ZNG1B: variants seen among roughly 807,000 people sequenced by gnomAD.
ZNG1B encodes Zn regulated GTPase metalloprotein activator 1B.
At chr2:113,477,151 T>A in the ZNG1B span, among the ~76,000 whole-genome samples, 2 of 152,178 alleles carry the variant, frequency 1.3e-5, no homozygotes, top group African/African-American at 4.8e-5. Flanking sequence ...CTCAGACTGC[T>A]GTGCTAGCAA....
At chr2:113,440,304 T>C in the ZNG1B span, among the ~76,000 whole-genome samples, 1 of 145,858 alleles carries the variant, frequency 6.9e-6, no homozygotes, top group Admixed American at 6.7e-5. Flanking sequence ...TCTTAAAGTG[T>C]TTTTTTTTTC....
the ZNG1B span, chr2:113,447,850 C>T: frequency 2.2e-6 from 1 of 452,674 alleles, no homozygotes; most frequent in Non-Finnish European, 4.4e-6. Flanking sequence ...CTTCAGACTC[C>T]CCTTCTAATT....
the ZNG1B span, among the ~76,000 whole-genome samples, chr2:113,478,654 T>C: frequency 6.6e-6 from 1 of 151,804 alleles, no homozygotes; most frequent in Non-Finnish European, 1.5e-5. Flanking sequence ...GTTTTTTTTT[T>C]TCCACCTTCA....
At chr2:113,459,911 A>G in the ZNG1B span, among the ~76,000 whole-genome samples, 1 of 148,960 alleles carries the variant, frequency 6.7e-6, no homozygotes, top group South Asian at 2.2e-4. Flanking sequence ...GGGAAAAAAA[A>G]AACAGACAAC....
chr2:113,446,615 C>T, the ZNG1B span, among the ~76,000 whole-genome samples: 2 of 149,094 alleles, frequency 1.3e-5, no homozygotes, highest in African/African-American at 2.5e-5. Context: ...GGCGTTGTGG[C>T]GCACCCCATA....
At chr2:113,474,540 G>A in the ZNG1B span, among the ~76,000 whole-genome samples, 1 of 148,200 alleles carries the variant, frequency 6.7e-6, no homozygotes, top group Admixed American at 6.8e-5. Flanking sequence ...GCTTTTGAAT[G>A]TGTTTGCTCT....
the ZNG1B span, among the ~76,000 whole-genome samples, chr2:113,459,495 A>G: frequency 6.6e-6 from 1 of 152,048 alleles, no homozygotes; most frequent in East Asian, 1.9e-4. Context: ...AAGATTTCAC[A>G]AAGACTTTAA....
the ZNG1B span, among the ~76,000 whole-genome samples, chr2:113,475,371 G>A: frequency 3.6e-3 from 543 of 152,058 alleles, 8 homozygotes; most frequent in African/African-American, 0.013. Flanking sequence ...TTTATTTTGA[G>A]CCTATGTGTG....
At chr2:113,490,756 T>TA in the ZNG1B span, among the ~76,000 whole-genome samples, 1 of 150,896 alleles carries the variant, frequency 6.6e-6, no homozygotes, top group Non-Finnish European at 1.5e-5. Context: ...CCTGGAAAGA[T>TA]ACAACCCTCC....
At chr2:113,456,968 C>T in the ZNG1B span, 9 of 453,428 alleles carry the variant, frequency 2.0e-5, no homozygotes, top group Non-Finnish European at 4.0e-5. Context: ...TGTGGCCAGC[C>T]AGCCAAATTG....
the ZNG1B span, chr2:113,445,436 T>C: frequency 4.9e-6 from 1 of 203,686 alleles, no homozygotes; most frequent in East Asian, 1.3e-4. Context: ...AATCTATTAA[T>C]GTTCAAGTCC....
At chr2:113,452,334 C>T in the ZNG1B span, among the ~76,000 whole-genome samples, 1 of 152,102 alleles carries the variant, frequency 6.6e-6, no homozygotes, top group Non-Finnish European at 1.5e-5. Context: ...AGTAGGTGGA[C>T]AGCTTTAGAC....
At chr2:113,475,391 G>A in the ZNG1B span, among the ~76,000 whole-genome samples, 5 of 151,744 alleles carry the variant, frequency 3.3e-5, no homozygotes, top group African/African-American at 9.7e-5. Flanking sequence ...GTCTCTGCAC[G>A]TGAGATGGGT....
the ZNG1B span, among the ~76,000 whole-genome samples, chr2:113,477,259 CG>C: frequency 6.6e-6 from 1 of 152,142 alleles, no homozygotes; most frequent in Non-Finnish European, 1.5e-5. Context: ...GCGCAGTATT[CG>C]GGTGGGAGTG....
chr2:113,477,167 G>T, the ZNG1B span, among the ~76,000 whole-genome samples: 1 of 152,182 alleles, frequency 6.6e-6, no homozygotes, highest in South Asian at 2.1e-4. Flanking sequence ...AGCAATCAGC[G>T]AGACTCCGTG....
the ZNG1B span, among the ~76,000 whole-genome samples, chr2:113,452,198 A>G: frequency 2.0e-5 from 3 of 152,308 alleles, no homozygotes; most frequent in East Asian, 1.9e-4. Flanking sequence ...AAAAAAATCA[A>G]TAGGTATCAG....
At chr2:113,445,457 A>G in the ZNG1B span, 1 of 191,892 alleles carries the variant, frequency 5.2e-6, no homozygotes, top group African/African-American at 2.4e-5. Flanking sequence ...CTTACATAAA[A>G]TGGTGTAGTA....
chr2:113,478,821 AATTG>A, the ZNG1B span, among the ~76,000 whole-genome samples: 6 of 151,988 alleles, frequency 3.9e-5, no homozygotes, highest in African/African-American at 1.4e-4. Flanking sequence ...AGAAAAAAGA[AATTG>A]ATTGAGATTA....
the ZNG1B span, among the ~76,000 whole-genome samples, chr2:113,475,915 C>G: frequency 6.6e-6 from 1 of 152,122 alleles, no homozygotes; most frequent in Non-Finnish European, 1.5e-5. Context: ...CTCTGGCTGC[C>G]CTTAACATTT....
Sources: gnomAD v4.1 joint callset for allele counts (sites outside exome capture counted in the v4.1 genomes callset) on GRCh38, gnomAD v4.1.1 for gene constraint, MANE v1.5 for transcripts, NCBI Gene and HGNC (gene_info 2026-07-23, HGNC 2026-07-21) for gene names.